Variants in TENM2 observed in about 807,000 individuals in gnomAD.
TENM2 encodes teneurin-2.
TENM2 carries 52 observed loss-of-function variants against 245.2 expected under a neutral mutation model. That is an observed-to-expected ratio of 0.21 (90% CI 0.17 to 0.27). The LOEUF is 0.27. Among genes scored for constraint, TENM2 ranks in the 10% least tolerant of loss-of-function variants. TENM2 has a pLI of 1.00. For synonymous variants in TENM2, 1,363 were observed against 1,438.9 expected (o/e 0.95, Z 1.19); for missense variants, 3,046 against 3,666.8 (o/e 0.83, Z 4.37).
chr5:167,943,169 A>G (rs886929376), intron 3 of TENM2, among the ~76,000 whole-genome samples: 1 of 152,232 alleles, frequency 6.6e-6, no homozygotes, highest in African/African-American at 2.4e-5. Context: ...GTTCACCCAG[A>G]TAGTAAATAA....
chr5:167,167,820 A>G, the TENM2 span, among the ~76,000 whole-genome samples: 1 of 152,204 alleles, frequency 6.6e-6, no homozygotes, highest in Non-Finnish European at 1.5e-5. Flanking sequence ...CAGAAAACAC[A>G]CAATGAATGA....
chr5:167,763,361 A>G (rs1762801819), intron 2 of TENM2, among the ~76,000 whole-genome samples: 2 of 152,146 alleles, frequency 1.3e-5, no homozygotes, highest in Non-Finnish European at 2.9e-5. Context: ...ATTCCTTCAC[A>G]TTAGATTCTT....
At chr5:167,899,268 G>T (rs1171821053) in intron 3 of TENM2, among the ~76,000 whole-genome samples, 8 of 152,108 alleles carry the variant, frequency 5.3e-5, no homozygotes, top group Admixed American at 4.6e-4. Flanking sequence ...CGTTAATGTC[G>T]CATTATCAAA....
At chr5:167,653,004 T>G (rs1484905920) in intron 2 of TENM2, among the ~76,000 whole-genome samples, 1 of 152,204 alleles carries the variant, frequency 6.6e-6, no homozygotes, top group Admixed American at 6.5e-5. Flanking sequence ...GCTAGCTTAC[T>G]GCTTTTCATA....
At chr5:167,776,161 CCACACACACA>C (rs66740766) in intron 2 of TENM2, among the ~76,000 whole-genome samples, 1 of 133,110 alleles carries the variant, frequency 7.5e-6, no homozygotes, top group Non-Finnish European at 1.5e-5. Context: ...AAAAAAAAAT[CCACACACACA>C]CACACACACA....
At chr5:167,387,242 C>G (rs905757441) in intron 2 of TENM2, among the ~76,000 whole-genome samples, 61 of 144,740 alleles carry the variant, frequency 4.2e-4, no homozygotes, top group African/African-American at 1.5e-3. Context: ...AGGTATAATC[C>G]TAAGTGTTTT....
At chr5:167,108,170 C>T in the TENM2 span, among the ~76,000 whole-genome samples, 2 of 152,202 alleles carry the variant, frequency 1.3e-5, no homozygotes, top group African/African-American at 2.4e-5. Flanking sequence ...CTGTCACCCA[C>T]GCTGGAGTGC....
chr5:167,177,731 T>C, the TENM2 span, among the ~76,000 whole-genome samples: 16 of 152,180 alleles, frequency 1.1e-4, no homozygotes, highest in Non-Finnish European at 7.3e-5. Context: ...GCCTGAAAGA[T>C]AATAGGAACA....
chr5:167,492,211 T>A (rs1358261600), intron 2 of TENM2, among the ~76,000 whole-genome samples: 3 of 152,120 alleles, frequency 2.0e-5, no homozygotes, highest in Non-Finnish European at 2.9e-5. Flanking sequence ...ACTTCTTAAT[T>A]TATGAGGCAG....
At chr5:167,644,220 A>G (rs1482037476) in intron 2 of TENM2, among the ~76,000 whole-genome samples, 5 of 152,224 alleles carry the variant, frequency 3.3e-5, no homozygotes, top group Admixed American at 3.3e-4. Context: ...AATGGGTCCT[A>G]TAAAGTTTAT....
intron 5 of TENM2, among the ~76,000 whole-genome samples, 155 bp from the exon 8 acceptor site, chr5:168,047,272 C>G (rs1245137552): frequency 6.6e-6 from 1 of 152,150 alleles, no homozygotes; most frequent in African/African-American, 2.4e-5. Context: ...TCTCTGCTTT[C>G]TGTATTTAGC....
chr5:167,228,953 C>G, the TENM2 span, among the ~76,000 whole-genome samples: 33,167 of 151,934 alleles, frequency 0.22, 4,416 homozygotes, highest in African/African-American at 0.37. Flanking sequence ...GCCCACCTCG[C>G]CCTCCCAAAG....
chr5:168,038,213 C>T (rs549182198), intron 5 of TENM2, among the ~76,000 whole-genome samples: 22 of 152,296 alleles, frequency 1.4e-4, no homozygotes, highest in African/African-American at 5.3e-4. Context: ...GTAACAATTG[C>T]TTATCACAGA....
intron 4 of TENM2, among the ~76,000 whole-genome samples, chr5:167,960,346 A>G (rs1780907067): frequency 6.6e-6 from 1 of 152,174 alleles, no homozygotes; most frequent in African/African-American, 2.4e-5. Flanking sequence ...AGTTTTATCT[A>G]TAAGCCTCTG....
chr5:167,475,590 C>G (rs1026025976), intron 2 of TENM2, among the ~76,000 whole-genome samples: 35 of 152,096 alleles, frequency 2.3e-4, no homozygotes, highest in African/African-American at 7.0e-4. Flanking sequence ...AACCCATCAT[C>G]TAGGCTTTAA....
Position 167,719,703 on chromosome 5 carries a change from G to T in TENM2, c.503-156283G>T, listed in dbSNP as rs76345433. ...AACTGAGCAGATCCTCCAGAACAGTGGTTCTCAACCAGTGGCGATTTTGCC... is the reference window on the plus strand; with the variant it reads ...AACTGAGCAGATCCTCCAGAACAGTTGTTCTCAACCAGTGGCGATTTTGCC... On this transcript the variant is annotated intron_variant, in intron 2 of 28. Transcript: ENST00000518659. 7.4e-3 allele frequency among the ~76,000 whole-genome samples: 1,129 copies of T among 152,308 alleles called. 20 individuals are homozygous for T. Among genetic ancestry groups the T allele is most frequent in the East Asian group, 0.017 (90 of 5,172 alleles).
At chr5:168,036,734 C>T (rs201881296) in intron 5 of TENM2, among the ~76,000 whole-genome samples, 250 of 84,288 alleles carry the variant, frequency 3.0e-3, no homozygotes, top group African/African-American at 9.9e-3. Context: ...TATATATATA[C>T]GTATGTGTAT....
chr5:167,639,824 A>T (rs914918838), intron 2 of TENM2, among the ~76,000 whole-genome samples: 20 of 152,184 alleles, frequency 1.3e-4, no homozygotes, highest in Non-Finnish European at 2.9e-4. Flanking sequence ...TTTTCCTAAA[A>T]CAGTGCCTGG....
At chr5:167,096,890 C>T in the TENM2 span, among the ~76,000 whole-genome samples, 2 of 152,100 alleles carry the variant, frequency 1.3e-5, no homozygotes, top group Admixed American at 1.3e-4. Context: ...CTGGCCTAAA[C>T]ACATTTCGGT....
Sources: allele counts gnomAD v4.1 joint callset (sites outside exome capture counted in the v4.1 genomes callset), GRCh38; gene constraint gnomAD v4.1.1; transcripts MANE v1.5; gene names NCBI Gene and HGNC (gene_info 2026-07-23, HGNC 2026-07-21).